Variants in RALGPS2 observed in about 807,000 individuals in gnomAD.
RALGPS2 encodes Ral GEF with PH domain and SH3 binding motif 2.
A neutral mutation model predicts 86.8 loss-of-function variants in RALGPS2; 43 were observed. The ratio of observed to expected loss-of-function variants is 0.50; its 90% CI spans 0.39 to 0.64. RALGPS2 has a LOEUF of 0.64. Ranked by LOEUF, RALGPS2 falls within the 30% of genes least tolerant of loss-of-function variation. The pLI, the probability that RALGPS2 is intolerant of heterozygous loss-of-function variation, is 0.00. For synonymous variants in RALGPS2, 243 were observed against 231.3 expected (o/e 1.05, Z -0.46); for missense variants, 536 against 694.6 (o/e 0.77, Z 2.57).
intron 8 of RALGPS2, among the ~76,000 whole-genome samples, chr1:178,837,813 C>T (rs1489098593): frequency 3.3e-5 from 5 of 152,140 alleles, no homozygotes; most frequent in African/African-American, 1.2e-4. Context: ...CCTGGAAAAT[C>T]GGGTCACTCC....
At chr1:178,787,843 T>C (rs1653737868) in intron 4 of RALGPS2, among the ~76,000 whole-genome samples, 2 of 152,212 alleles carry the variant, frequency 1.3e-5, no homozygotes, top group African/African-American at 4.8e-5. Flanking sequence ...TCTTACTTCA[T>C]CTACCTGCAT....
Position 178,833,544 on chromosome 1 carries a change from T to C in RALGPS2, c.601T>C (p.Tyr201His). 6.5e-7 allele frequency: 1 copy of C among 1,528,738 alleles called. No individual in the cohort carries two copies. Among genetic ancestry groups the C allele is most frequent in the Non-Finnish European group, 8.7e-7 (1 of 1,149,962 alleles). The allele number at this position is 1,528,738 out of a possible 1,614,324, so 94.7% of individuals were successfully genotyped here. A position where few individuals can be genotyped will look rare whatever the true frequency, so the allele number is the denominator to read the frequency against. The change falls in exon 8 of 20, where the codon TAT (tyrosine) becomes CAT (histidine). Residue 201 changes from tyrosine (Y) to histidine (H), a missense_variant. Physicochemically the swap from Tyr to His is moderately conservative, Grantham distance 83. Transcript: ENST00000367635. ...SSLKMTPCIP[Y>H]LGIYLSDLTY... ...CTTAAAGATGACACCTTGCATTCCC[T>C]ATTTAGGTGAGTTATGTCACTGTGT...
chr1:178,738,685 G>A (rs753850206), intron 1 of RALGPS2, among the ~76,000 whole-genome samples: 2 of 152,152 alleles, frequency 1.3e-5, no homozygotes, highest in African/African-American at 2.4e-5. Flanking sequence ...ATAATTCTTT[G>A]ATGAAAGTCT....
At position 178,893,909 on chromosome 1, in the gene RALGPS2, GT is replaced by G. The variant is rs1373777065; in HGVS notation, c.1326-8del. The G allele has an allele frequency of 1.3e-5, 20 of 1,555,106 alleles. No individual in the cohort carries two copies. In the Middle Eastern group the frequency reaches 5.1e-4, roughly 39 times the overall value. On this transcript the variant is annotated splice_polypyrimidine_tract_variant and intron_variant, in intron 15 of 19. Coordinates refer to ENST00000367635, the MANE Select transcript of RALGPS2 (RefSeq NM_152663.5). ...AAAGCTCTTATGTGTTCTTTTCTTCGTTATTATAGTTCTGCAGAATCAGAAG... is the reference window on the plus strand; with the variant it reads ...AAAGCTCTTATGTGTTCTTTTCTTCGTATTATAGTTCTGCAGAATCAGAAG...
chr1:178,725,924 G>C (rs1022817839), intron 1 of RALGPS2: 4 of 150,220 alleles, frequency 2.7e-5, no homozygotes, highest in Non-Finnish European at 5.9e-5. Flanking sequence ...GGCCGCCCGC[G>C]AACCCGCGGA....
intron 16 of RALGPS2, 129 bp downstream of exon 16, chr1:178,894,153 T>C (rs1659837779): frequency 3.5e-6 from 2 of 577,162 alleles, no homozygotes; most frequent in Non-Finnish European, 5.8e-6. Flanking sequence ...TTAAATAAGG[T>C]CCTCCCCTCT....
rs1476199440 is a variant in RALGPS2 at position 178,859,766 on chromosome 1, C to T, written c.608-17732C>T. ...AGGCTGGAGTGCAGTGTCGCGATCT[C>T]GGCTCACTGCAAGCTCTGCCTCCCG... is the stretch of plus-strand genomic sequence containing the variant. On this transcript the variant is annotated intron_variant, in intron 8 of 19. Transcript: ENST00000367635. Among the ~76,000 whole-genome samples the T allele has an allele frequency of 5.8e-5, 7 of 121,396 alleles. No individual in the cohort carries two copies. The South Asian group carries it at 1.8e-3, about 31-fold the overall frequency. The allele number at this position is 121,396 out of a possible 152,430, so 79.6% of individuals were successfully genotyped here.
chr1:178,823,878 T>G (rs1655623494), intron 7 of RALGPS2, among the ~76,000 whole-genome samples: 1 of 152,102 alleles, frequency 6.6e-6, no homozygotes, highest in Non-Finnish European at 1.5e-5. Flanking sequence ...TGGTTGGGGC[T>G]AGAGAGAGAT....
At chr1:178,892,132 T>C (rs892223431) in intron 14 of RALGPS2, 98 bp from the exon 15 acceptor site, 10 of 1,058,046 alleles carry the variant, frequency 9.5e-6, no homozygotes, top group Non-Finnish European at 1.4e-5. Flanking sequence ...TAGAAAGCTA[T>C]ATTACAAGAA....
At chr1:178,814,079 C>G (rs192153086) in intron 6 of RALGPS2, among the ~76,000 whole-genome samples, 61 of 152,312 alleles carry the variant, frequency 4.0e-4, no homozygotes, top group African/African-American at 1.4e-3. Context: ...TTCCCTTCTA[C>G]TGCAATGGGA....
chr1:178,843,783 A>T (rs1196541022), intron 8 of RALGPS2, among the ~76,000 whole-genome samples: 1 of 152,148 alleles, frequency 6.6e-6, no homozygotes, highest in Non-Finnish European at 1.5e-5. Flanking sequence ...CTATCTGGGT[A>T]TGTGAAGAAG....
intron 8 of RALGPS2, among the ~76,000 whole-genome samples, chr1:178,848,564 C>A (rs1006938197): frequency 6.6e-6 from 1 of 152,178 alleles, no homozygotes; most frequent in Non-Finnish European, 1.5e-5. Context: ...GGTCCAGCCA[C>A]TTAACTGCCT....
intron 4 of RALGPS2, among the ~76,000 whole-genome samples, chr1:178,798,304 A>G (rs1654302603): frequency 6.6e-6 from 1 of 152,204 alleles, no homozygotes; most frequent in Non-Finnish European, 1.5e-5. Flanking sequence ...TTGCTATTAC[A>G]GTGAGCTCAA....
At chr1:178,833,190 TTTA>T (rs1656108376) in intron 7 of RALGPS2, among the ~76,000 whole-genome samples, 1 of 152,076 alleles carries the variant, frequency 6.6e-6, no homozygotes, top group Admixed American at 6.5e-5. Flanking sequence ...AATGTTATAA[TTTA>T]TTACTTAGTT....
Position 178,918,657 on chromosome 1 carries a change from G to C in RALGPS2, c.*2298G>C, listed in dbSNP as rs1175957783. 6.6e-6 allele frequency: 1 copy of C among 152,104 alleles called. No individual in the cohort carries two copies. The highest frequency in any genetic ancestry group is 1.9e-4 in the East Asian group (1 of 5,202). 9.4% of individuals were successfully genotyped at this position (152,104 alleles called of 1,614,324 possible). A position where few individuals can be genotyped will look rare whatever the true frequency, so the allele number is the denominator to read the frequency against. ...ACTGACTAAATTTCTTAACAGCACA[G>C]AAGTCGTTGTTTTTCTGTCTTTAAA... On this transcript the variant is annotated 3_prime_UTR_variant, in exon 20 of 20. Transcript: ENST00000367635.
At chr1:178,831,978 TG>T (rs1656043028) in intron 7 of RALGPS2, among the ~76,000 whole-genome samples, 1 of 152,182 alleles carries the variant, frequency 6.6e-6, no homozygotes, top group South Asian at 2.1e-4. Context: ...CTAAGTAATT[TG>T]TTTCTCCTGG....
intron 10 of RALGPS2, among the ~76,000 whole-genome samples, chr1:178,881,971 T>C (rs1192556188): frequency 1.3e-5 from 2 of 152,220 alleles, no homozygotes; most frequent in Non-Finnish European, 2.9e-5. Flanking sequence ...AGGCAGCCAG[T>C]ATAGATATTA....
chr1:178,860,266 A>T (rs1462291497), intron 8 of RALGPS2, among the ~76,000 whole-genome samples: 1 of 150,718 alleles, frequency 6.6e-6, no homozygotes, highest in Non-Finnish European at 1.5e-5. Flanking sequence ...GCAGCTTGTC[A>T]GGTGTATTAT....
chr1:178,885,860 CTGAGTA>C (rs1659458796), intron 12 of RALGPS2, 103 bp from the exon 13 acceptor site: 1 of 964,000 alleles, frequency 1.0e-6, no homozygotes, highest in African/African-American at 1.7e-5. Context: ...ATGGTAAGAT[CTGAGTA>C]TGACAGTTAG....
Sources: allele counts gnomAD v4.1 joint callset (sites outside exome capture counted in the v4.1 genomes callset), GRCh38; gene constraint gnomAD v4.1.1; transcripts MANE v1.5; gene names NCBI Gene and HGNC (gene_info 2026-07-23, HGNC 2026-07-21).